The following RADX variants were observed in gnomAD, a reference collection of about 807,000 sequenced individuals.
RADX encodes the protein RPA1 related single stranded DNA binding protein, X-linked.
Under a neutral mutation model 61.6 loss-of-function variants are expected in RADX, and 36 were observed. The observed-to-expected ratio is 0.58, with a 90% CI of 0.45 to 0.77. RADX has a LOEUF of 0.77. RADX is among the 30% of genes least tolerant of loss of function. RADX has a pLI of 0.00. For synonymous variants in RADX, 272 were observed against 237.9 expected, an observed-to-expected ratio of 1.14 and a Z score of -1.32; for missense variants, 497 against 651.1, an observed-to-expected ratio of 0.76 and a Z score of 2.58.
intron 13 of RADX, among the ~76,000 whole-genome samples, chrX:106,673,686 C>CCA (rs1271081108): frequency 4.7e-5 from 5 of 105,931 alleles, no homozygotes; most frequent in Admixed American, 1.0e-4. Context: ...CCATCCCCCC[C>CCA]CACACACACA....
At chrX:106,641,097 T>C (rs1440175176) in intron 10 of RADX, among the ~76,000 whole-genome samples, 2 of 110,853 alleles carry the variant, frequency 1.8e-5, no homozygotes, top group Non-Finnish European at 3.8e-5. Flanking sequence ...TTCACCTTTT[T>C]CATAAGGATA....
At chrX:106,639,248 T>G (rs970408567) in intron 8 of RADX, 1 of 228,267 alleles carries the variant, frequency 4.4e-6, no homozygotes, top group East Asian at 7.8e-5. Flanking sequence ...TAGGCAACAC[T>G]TTATAGTTTG....
In RADX at chrX:106,612,165, G is replaced by T; in HGVS notation, c.85G>T (p.Val29Phe). Reference sequence around the variant, plus strand: ...GAACCCTGAGAGGAATCGGGCTGGGGTCCCGGGAGGGGTGATCCGAAGAGC... The same window carrying T: ...GAACCCTGAGAGGAATCGGGCTGGGTTCCCGGGAGGGGTGATCCGAAGAGC... Reference protein sequence around the residue: ...WPNPERNRAGVPGGVIRRAGS... With the variant: ...WPNPERNRAGFPGGVIRRAGS... Residue 29 changes from valine to phenylalanine, a missense_variant, in exon 1 of 14, where the codon GTC (valine) becomes TTC (phenylalanine). Physicochemically the swap from Val to Phe is conservative, Grantham distance 50. This residue lies in a region of RADX where 34 missense variants were observed against 29.1 expected (regional missense o/e 1.17). Transcript: ENST00000372548. 8.3e-7 allele frequency: 1 copy of T among 1,211,761 alleles called. No homozygotes were observed. The highest frequency in any genetic ancestry group is 1.8e-5 in the South Asian group (1 of 56,955).
At position 106,612,032 on chromosome X, in the gene RADX, C is replaced by G. The variant is rs767055801; in HGVS notation, c.-49C>G. ...CGGTTTTATTTCTCTCCGCTTTGGACGGGGCAAACTAGCTTTTGGGAGTGA... is the reference window on the plus strand; with the variant it reads ...CGGTTTTATTTCTCTCCGCTTTGGAGGGGGCAAACTAGCTTTTGGGAGTGA... On this transcript the variant is annotated 5_prime_UTR_variant, in exon 1 of 14. Transcript: ENST00000372548. 8.7e-7 allele frequency: 1 copy of G among 1,155,346 alleles called. No homozygotes were observed. The highest frequency in any genetic ancestry group is 3.0e-5 in the East Asian group (1 of 33,431).
chrX:106,636,722 T>A (rs1051634305), intron 7 of RADX, 75 bp downstream of exon 7: 3 of 485,848 alleles, frequency 6.2e-6, no homozygotes, highest in African/African-American at 4.9e-5. Context: ...ATATTAACTT[T>A]TATATAATAA....
Position 106,635,181 on chromosome X carries a change from A to C in RADX, c.1304-1362A>C, listed in dbSNP as rs1927331893. On this transcript the variant is annotated intron_variant, in intron 6 of 13. Transcript: ENST00000372548. ...AAAAGTGAAGAACTAAGGGGAAGTAATGTTGTGTGTTTACCATGTACCAGA... is the reference window on the plus strand; with the variant it reads ...AAAAGTGAAGAACTAAGGGGAAGTACTGTTGTGTGTTTACCATGTACCAGA... Among the ~76,000 whole-genome samples, 4 of 111,237 alleles carry C rather than the reference A, an allele frequency of 3.6e-5. No individual in the cohort carries two copies. The Admixed American group carries it at 3.8e-4, about 11-fold the overall frequency.
At chrX:106,677,587 A>C (rs2147647940) in intron 13 of RADX, among the ~76,000 whole-genome samples, 1 of 109,820 alleles carries the variant, frequency 9.1e-6, no homozygotes, top group South Asian at 4.0e-4. Flanking sequence ...TCCAAAGATA[A>C]GTTTTAATTA....
intron 9 of RADX, 99 bp downstream of exon 9, chrX:106,639,786 C>A: frequency 1.5e-6 from 1 of 651,312 alleles, no homozygotes; most frequent in Non-Finnish European, 2.2e-6. Context: ...CGTGTATTGA[C>A]TCTTAATAAT....
At chrX:106,624,159 G>A (rs1270600498) in intron 2 of RADX, among the ~76,000 whole-genome samples, 1 of 111,292 alleles carries the variant, frequency 9.0e-6, no homozygotes, top group Non-Finnish European at 1.9e-5. Context: ...CATCAGATTG[G>A]CAAAGCCATC....
At chrX:106,670,203 C>T in intron 13 of RADX, among the ~76,000 whole-genome samples, 1 of 110,750 alleles carries the variant, frequency 9.0e-6, no homozygotes, top group East Asian at 2.8e-4. Context: ...ATTTTTCCCA[C>T]AGTCCATTTT....
chrX:106,625,754 ATC>A (rs759189315), intron 3 of RADX, among the ~76,000 whole-genome samples: 37 of 111,075 alleles, frequency 3.3e-4, no homozygotes, highest in Non-Finnish European at 5.9e-4. Flanking sequence ...ATCATTATAT[ATC>A]TCTCTTCATA....
intron 11 of RADX, among the ~76,000 whole-genome samples, chrX:106,654,035 C>A (rs1235021761): frequency 1.8e-5 from 2 of 111,624 alleles, no homozygotes; most frequent in Non-Finnish European, 3.8e-5. Flanking sequence ...AATTTATAAT[C>A]CTTTGAGTAT....
intron 1 of RADX, among the ~76,000 whole-genome samples, chrX:106,616,442 C>T (rs912515096): frequency 9.0e-6 from 1 of 111,550 alleles, no homozygotes. Context: ...ATTTCTTTTA[C>T]GTACTTCCTT....
chrX:106,633,808 A>C (rs1182601225), intron 6 of RADX, among the ~76,000 whole-genome samples: 1 of 111,881 alleles, frequency 8.9e-6, no homozygotes, highest in East Asian at 2.8e-4. Flanking sequence ...TCATTCAGAT[A>C]TAAAAGTATT....
chrX:106,646,132 T>C (rs1431515013), intron 10 of RADX, among the ~76,000 whole-genome samples: 1 of 111,072 alleles, frequency 9.0e-6, no homozygotes, highest in Non-Finnish European at 1.9e-5. Flanking sequence ...ACTCCTACGG[T>C]TTTTTGGTTT....
chrX:106,640,542 T>C lies in RADX; in HGVS notation c.1735-10T>C, dbSNP rs1195249007. 8.8e-7 allele frequency: 1 copy of C among 1,137,381 alleles called. No homozygotes were observed. The highest frequency in any genetic ancestry group is 1.2e-6 in the Non-Finnish European group (1 of 854,003). The allele number at this position is 1,137,381 out of a possible 1,213,427, so 93.7% of individuals were successfully genotyped here. A position where few individuals can be genotyped will look rare whatever the true frequency, so the allele number is the denominator to read the frequency against. On this transcript the variant is annotated splice_polypyrimidine_tract_variant and intron_variant, in intron 9 of 13. Coordinates refer to ENST00000372548, the MANE Select transcript of RADX (RefSeq NM_018015.6). ...AGCCTAAAGTGTTTTCTCTAAATTATTGGTTTTAGAATGCTAACAGACCCT... is the reference window on the plus strand; with the variant it reads ...AGCCTAAAGTGTTTTCTCTAAATTACTGGTTTTAGAATGCTAACAGACCCT...
intron 1 of RADX, among the ~76,000 whole-genome samples, chrX:106,619,782 G>C (rs1603035020): frequency 1.1e-5 from 1 of 93,583 alleles, no homozygotes; most frequent in South Asian, 3.7e-4. Context: ...TTTACATTCT[G>C]AGTATTACAT....
chrX:106,637,199 CA>C (rs1450300925), intron 7 of RADX, among the ~76,000 whole-genome samples: 7 of 111,185 alleles, frequency 6.3e-5, no homozygotes, highest in Admixed American at 5.8e-4. Flanking sequence ...GGGTGTTTAC[CA>C]GATTGTTACC....
intron 1 of RADX, among the ~76,000 whole-genome samples, chrX:106,618,810 A>G (rs930780683): frequency 9.1e-6 from 1 of 110,313 alleles, no homozygotes; most frequent in Non-Finnish European, 1.9e-5. Context: ...TCAAAAAATA[A>G]AAAAAGAGAA....
Sources: gnomAD v4.1 joint callset for allele counts (sites outside exome capture counted in the v4.1 genomes callset) on GRCh38, gnomAD v4.1.1 for gene constraint, gnomAD v4.1.1 regional missense constraint, MANE v1.5 for transcripts, NCBI Gene and HGNC (gene_info 2026-07-23, HGNC 2026-07-21) for gene names.